The following TET2 variants were observed in gnomAD, a reference collection of about 807,000 sequenced individuals.
TET2 encodes the protein methylcytosine dioxygenase TET2.
Under a neutral mutation model 142.9 loss-of-function variants are expected in TET2, and 299 were observed. The observed-to-expected ratio is 2.09, with a 90% CI of 1.90 to 2.30. The LOEUF (loss-of-function observed/expected upper bound fraction) is 2.30, where lower values mean the gene tolerates loss of function less well. TET2 is among the 30% of genes most tolerant of loss of function. TET2 has a pLI of 0.00. For synonymous variants in TET2, 819 were observed against 849.0 expected (o/e 0.96, Z 0.61); for missense variants, 2,418 against 2,378.0 (o/e 1.02, Z -0.35).
At chr4:105,170,117 ATGG>A (rs2110411940) in intron 1 of TET2, among the ~76,000 whole-genome samples, 1 of 152,168 alleles carries the variant, frequency 6.6e-6, no homozygotes, top group South Asian at 2.1e-4. Context: ...GTGAAGAATG[ATGG>A]TGGTATTTTG....
In TET2 at chr4:105,234,033, G is replaced by A. The variant is rs1728672596; in HGVS notation, c.91G>A (p.Ala31Thr). The A allele has an allele frequency of 1.2e-6, 2 of 1,613,930 alleles. No homozygotes were observed. The highest frequency in any genetic ancestry group is 1.7e-6 in the Non-Finnish European group (2 of 1,179,998). ...SPPICQTEPL[A>T]TKLQNGSPLP... ...TCCCATTTGCCAGACAGAACCTCTG[G>A]CTACAAAGCTCCAGAATGGAAGCCC... The change falls in exon 3 of 11, where the codon GCT (alanine) becomes ACT (threonine). Residue 31 changes from alanine to threonine, a missense_variant. Coordinates refer to ENST00000380013, the MANE Select transcript of TET2 (RefSeq NM_001127208.3).
At chr4:105,156,589 T>C (rs1314412999) in intron 1 of TET2, among the ~76,000 whole-genome samples, 2 of 152,194 alleles carry the variant, frequency 1.3e-5, no homozygotes, top group African/African-American at 2.4e-5. Context: ...AATGAGAACA[T>C]TCACCCATCT....
At chr4:105,183,359 A>G (rs1193482592) in intron 1 of TET2, among the ~76,000 whole-genome samples, 1 of 152,182 alleles carries the variant, frequency 6.6e-6, no homozygotes, top group Non-Finnish European at 1.5e-5. Flanking sequence ...TATAAACTTA[A>G]TATCACACAA....
rs1560543368 is a variant in TET2, at chr4:105,235,432, C to T, written c.1490C>T (p.Thr497Ile). ...RNDIQTAGTM[T>I]VPLCSEKTRP... The stretch of plus-strand genomic sequence containing the variant: ...GACATACAGACTGCAGGGACAATGA[C>T]TGTTCCATTGTGTTCTGAGAAAACA... The change falls in exon 3 of 11, where the codon ACT becomes ATT. Residue 497 changes from threonine (T) to isoleucine (I), a missense_variant. By Grantham distance (89) the Thr-to-Ile change is moderately conservative. Transcript: ENST00000380013. 1.2e-6 allele frequency: 2 copies of T among 1,614,206 alleles called. No individual in the cohort carries two copies. Among genetic ancestry groups the T allele is most frequent in the Non-Finnish European group, 8.5e-7 (1 of 1,180,020 alleles).
intron 6 of TET2, among the ~76,000 whole-genome samples, chr4:105,250,528 A>AC (rs1399580217): frequency 6.8e-6 from 1 of 147,600 alleles, no homozygotes; most frequent in East Asian, 2.0e-4. Flanking sequence ...ACCACATCCA[A>AC]CCCCCTTCTG....
chr4:105,236,343 A>G lies in TET2; in HGVS notation c.2401A>G (p.Asn801Asp). The G allele has an allele frequency of 1.2e-6, 2 of 1,614,056 alleles. No homozygotes were observed. Among genetic ancestry groups the G allele is most frequent in the Non-Finnish European group, 1.7e-6 (2 of 1,180,024 alleles). Residue 801 changes from asparagine to aspartate, a missense_variant, in exon 3 of 11, where the codon AAT becomes GAT. Asn to Asp is a conservative substitution (Grantham distance 23). Coordinates refer to ENST00000380013, the MANE Select transcript of TET2 (RefSeq NM_001127208.3). ...YSKSSEFETH[N>D]VQMGLEEVQN... is the part of the protein sequence containing the mutation. Reference sequence around the variant, plus strand: ...AAAATCAAGCGAGTTCGAGACTCATAATGTCCAAATGGGACTGGAGGAAGT... The same window carrying G: ...AAAATCAAGCGAGTTCGAGACTCATGATGTCCAAATGGGACTGGAGGAAGT...
Position 105,276,845 on chromosome 4 carries a change from C to CCCCCCG in TET2, c.*330_*331insCGCCCC, listed in dbSNP as rs1271370575. ...GATGATATGTAAATGTGATCCCCCC[C>CCCCCCG]CCCCGCTTACAACTCTACACATCTG... On this transcript the variant is annotated 3_prime_UTR_variant, in exon 11 of 11. Transcript: ENST00000380013. 6 of 213,032 alleles carry CCCCCCG rather than the reference C, an allele frequency of 2.8e-5. No individual in the cohort carries two copies. Among genetic ancestry groups the CCCCCCG allele is most frequent in the South Asian group, 2.0e-4 (2 of 9,872 alleles). 13.2% of individuals were successfully genotyped at this position (213,032 alleles called of 1,614,324 possible).
Position 105,243,686 on chromosome 4 carries a change from G to T in TET2, c.3711G>T (p.Pro1237=), listed in dbSNP as rs1475424900. 10 of 1,551,542 alleles carry T rather than the reference G, an allele frequency of 6.4e-6. No homozygotes were observed. The highest frequency in any genetic ancestry group is 8.7e-6 in the Non-Finnish European group (10 of 1,146,946). Residue 1237 remains proline (P), a synonymous_variant, in exon 6 of 11, where the codon CCG becomes CCT. Coordinates refer to ENST00000380013, the MANE Select transcript of TET2 (RefSeq NM_001127208.3). ...TCATCCTGGTGTGGGAAGGAATCCC[G>T]CTGTCTCTGGCTGACAAACTCTACT... ...VILILVWEGI[P]LSLADKLYSE...
intron 1 of TET2, among the ~76,000 whole-genome samples, chr4:105,171,953 G>C (rs1724492405): frequency 6.6e-6 from 1 of 152,040 alleles, no homozygotes; most frequent in Admixed American, 6.5e-5. Context: ...TATATATTTG[G>C]TATAGCAAAA....
In TET2 at chr4:105,237,137, G is replaced by A. The variant is rs1233014897; in HGVS notation, c.3195G>A (p.Leu1065=). Residue 1065 remains leucine (L), a synonymous_variant, in exon 3 of 11, where the codon TTG becomes TTA. Transcript: ENST00000380013. ...AAATGTCAGGGCCAGTCACAGTTTT[G>A]ACTAGACAAACCACTGCTGCAGAAC... The part of the protein sequence containing the change: ...KVEMSGPVTV[L]TRQTTAAELD... The A allele has an allele frequency of 6.2e-7, 1 of 1,614,108 alleles. No homozygotes were observed. Among genetic ancestry groups the A allele is most frequent in the Admixed American group, 1.7e-5 (1 of 60,016 alleles).
At chr4:105,229,550 C>G (rs914808668) in intron 2 of TET2, among the ~76,000 whole-genome samples, 1 of 151,876 alleles carries the variant, frequency 6.6e-6, no homozygotes, top group South Asian at 2.1e-4. Context: ...ACCTCGTGAT[C>G]TGCCTGCCTC....
chr4:105,276,536 T>C lies in TET2; in HGVS notation c.*17T>C. On this transcript the variant is annotated 3_prime_UTR_variant, in exon 11 of 11. Coordinates refer to ENST00000380013, the MANE Select transcript of TET2 (RefSeq NM_001127208.3). ...TATATATGATATCACCCCCTTTTGT[T>C]GGTTACCTCACTTGAAAAGACCACA... The C allele has an allele frequency of 6.5e-7, 1 of 1,540,790 alleles. No individual in the cohort carries two copies. The highest frequency in any genetic ancestry group is 1.2e-5 in the South Asian group (1 of 82,896).
At chr4:105,254,546 G>A (rs1029806932) in intron 6 of TET2, among the ~76,000 whole-genome samples, 9 of 152,034 alleles carry the variant, frequency 5.9e-5, no homozygotes, top group African/African-American at 1.9e-4. Context: ...CAAGTAGCTC[G>A]GACTACAGGC....
chr4:105,241,275 G>T (rs2110248229), intron 3 of TET2, 64 bp from the exon 4 acceptor site: 1 of 1,466,386 alleles, frequency 6.8e-7, no homozygotes, highest in Non-Finnish European at 9.0e-7. Context: ...TAAGCTTTGT[G>T]GATGTAGCCT....
At chr4:105,205,052 G>C (rs1239512712) in intron 2 of TET2, among the ~76,000 whole-genome samples, 2 of 152,004 alleles carry the variant, frequency 1.3e-5, no homozygotes, top group Non-Finnish European at 2.9e-5. Context: ...GTCAATAAAA[G>C]AGTTTTAAGA....
chr4:105,256,194 A>G (rs1473693841), intron 6 of TET2, among the ~76,000 whole-genome samples: 3 of 152,152 alleles, frequency 2.0e-5, no homozygotes, highest in Non-Finnish European at 4.4e-5. Flanking sequence ...TACCTATGTA[A>G]TTATCTTTAC....
chr4:105,147,588 T>C (rs190224233), intron 1 of TET2: 3 of 152,064 alleles, frequency 2.0e-5, no homozygotes, highest in Non-Finnish European at 4.4e-5. Context: ...TTTTTTTCCT[T>C]AAGTCCGCGC....
intron 1 of TET2, among the ~76,000 whole-genome samples, chr4:105,165,115 C>T (rs1479054937): frequency 2.0e-5 from 3 of 152,164 alleles, no homozygotes; most frequent in Admixed American, 6.5e-5. Context: ...TGGCTCAGAC[C>T]TGTAATTCCA....
At position 105,241,330 on chromosome 4, in the gene TET2, T is replaced by G; in HGVS notation, c.3410-9T>G. Reference sequence around the variant, plus strand: ...GGTCTAAAATAATAATCTTCTATTATCTCAACAGAGCAAATTATTGAAAAA... The same window carrying G: ...GGTCTAAAATAATAATCTTCTATTAGCTCAACAGAGCAAATTATTGAAAAA... On this transcript the variant is annotated splice_polypyrimidine_tract_variant and intron_variant, in intron 3 of 10. Coordinates refer to ENST00000380013, the MANE Select transcript of TET2 (RefSeq NM_001127208.3). 1 of 1,541,068 alleles carries G rather than the reference T, an allele frequency of 6.5e-7. No homozygotes were observed. The highest frequency in any genetic ancestry group is 8.8e-7 in the Non-Finnish European group (1 of 1,142,542).
Sources: allele counts gnomAD v4.1 joint callset (sites outside exome capture counted in the v4.1 genomes callset), GRCh38; gene constraint gnomAD v4.1.1; transcripts MANE v1.5; gene names NCBI Gene and HGNC (gene_info 2026-07-23, HGNC 2026-07-21).